Variants in KAZN observed in about 807,000 individuals in gnomAD.
The protein encoded by KAZN is kazrin.
Under a neutral mutation model 87.4 loss-of-function variants are expected in KAZN, and 40 were observed. That is an observed-to-expected ratio of 0.46 (90% CI 0.36 to 0.60). The LOEUF (loss-of-function observed/expected upper bound fraction) is 0.60. Among genes scored for constraint, KAZN ranks in the 20% least tolerant of loss-of-function variants. KAZN has a pLI of 0.00. For synonymous variants in KAZN, 466 were observed against 458.3 expected, an observed-to-expected ratio of 1.02 and a Z score of -0.22; for missense variants, 898 against 1,073.9, an observed-to-expected ratio of 0.84 and a Z score of 2.29.
At chr1:14,561,522 G>A (rs1674251202) in intron 2 of KAZN, among the ~76,000 whole-genome samples, 1 of 152,190 alleles carries the variant, frequency 6.6e-6, no homozygotes. Flanking sequence ...CAGAAATGCA[G>A]ATCAGTGGCT....
At chr1:14,054,226 C>G (rs1266160505) in intron 1 of KAZN, among the ~76,000 whole-genome samples, 1 of 152,074 alleles carries the variant, frequency 6.6e-6, no homozygotes, top group Non-Finnish European at 1.5e-5. Flanking sequence ...CTAAGGTCAA[C>G]TGTATAATCC....
intron 1 of KAZN, among the ~76,000 whole-genome samples, chr1:14,099,926 C>G (rs748990390): frequency 6.6e-6 from 1 of 152,130 alleles, no homozygotes; most frequent in Non-Finnish European, 1.5e-5. Flanking sequence ...CCCTTCTTAC[C>G]TTTCTCCTTC....
At chr1:14,433,785 G>C (rs1004406200) in intron 2 of KAZN, among the ~76,000 whole-genome samples, 1 of 152,216 alleles carries the variant, frequency 6.6e-6, no homozygotes, top group East Asian at 1.9e-4. Flanking sequence ...GCTTGAACCC[G>C]GGAGGCGGAG....
chr1:13,947,337 C>A (rs1641182760), intron 1 of KAZN, among the ~76,000 whole-genome samples: 1 of 152,096 alleles, frequency 6.6e-6, no homozygotes, highest in South Asian at 2.1e-4. Context: ...TAGCAAGAGG[C>A]AAAATCGTGA....
intron 2 of KAZN, among the ~76,000 whole-genome samples, chr1:14,546,384 A>G (rs1673146254): frequency 6.6e-6 from 1 of 152,218 alleles, no homozygotes; most frequent in Non-Finnish European, 1.5e-5. Context: ...AGTACTTAAG[A>G]AAAATAACCC....
intron 2 of KAZN, among the ~76,000 whole-genome samples, chr1:14,384,519 G>A (rs934536908): frequency 2.6e-5 from 4 of 152,096 alleles, no homozygotes; most frequent in African/African-American, 9.7e-5. Flanking sequence ...AGAGTTTTTA[G>A]CATGAAAGGT....
chr1:14,862,012 T>C (rs1379381627), intron 1 of KAZN, among the ~76,000 whole-genome samples: 1 of 152,182 alleles, frequency 6.6e-6, no homozygotes, highest in Non-Finnish European at 1.5e-5. Context: ...GGTGAGCCCA[T>C]AATTTTATTT....
intron 1 of KAZN, among the ~76,000 whole-genome samples, chr1:14,006,229 A>G (rs1008403028): frequency 1.3e-5 from 2 of 152,136 alleles, no homozygotes; most frequent in African/African-American, 4.8e-5. Flanking sequence ...TTGCATTGCT[A>G]TAAAGGAATA....
chr1:15,090,129 C>G (rs993388808), intron 8 of KAZN, among the ~76,000 whole-genome samples: 2 of 152,192 alleles, frequency 1.3e-5, no homozygotes, highest in Non-Finnish European at 2.9e-5. Flanking sequence ...CTCATTATTC[C>G]CATTTTATAT....
intron 1 of KAZN, among the ~76,000 whole-genome samples, chr1:14,125,749 A>G (rs1644850325): frequency 6.6e-6 from 1 of 152,138 alleles, no homozygotes; most frequent in Non-Finnish European, 1.5e-5. Context: ...AAATGAATGC[A>G]GTGGAAAAAA....
chr1:14,644,259 G>T (rs1169748356), intron 1 of KAZN, among the ~76,000 whole-genome samples: 33 of 151,282 alleles, frequency 2.2e-4, no homozygotes, highest in African/African-American at 8.0e-4. Flanking sequence ...TGATCCACCT[G>T]CCTCAGCCTC....
At chr1:13,981,097 A>ATATATATATATATATATATATATATGTG (rs372269866) in intron 1 of KAZN, among the ~76,000 whole-genome samples, 1 of 96,940 alleles carries the variant, frequency 1.0e-5, no homozygotes, top group African/African-American at 4.2e-5. Context: ...CTTTATATAT[A>ATATATATATATATATATATATATATGTG]TATATATATA....
intron 2 of KAZN, among the ~76,000 whole-genome samples, chr1:14,269,029 A>G (rs1032322966): frequency 1.3e-5 from 2 of 152,242 alleles, no homozygotes; most frequent in African/African-American, 4.8e-5. Flanking sequence ...AACTCTGCCC[A>G]TTATAAAATA....
Position 14,956,198 on chromosome 1 carries a change from GT to G in KAZN, c.227-4483del, listed in dbSNP as rs549273261. Among the ~76,000 whole-genome samples, 9 of 150,340 alleles carry G rather than the reference GT, an allele frequency of 6.0e-5. No individual in the cohort carries two copies. The East Asian group carries it at 1.6e-3, about 27-fold the overall frequency. ...AAGACAAGGCCCCGGCCAGGCCTGG[GT>G]TTGAAGCCAAGTCTCTTGGAATCCT... On this transcript the variant is annotated intron_variant, in intron 1 of 14. Coordinates refer to ENST00000376030, the MANE Select transcript of KAZN (RefSeq NM_201628.3).
intron 2 of KAZN, among the ~76,000 whole-genome samples, chr1:14,433,028 A>ACG (rs1666168515): frequency 6.6e-6 from 1 of 152,158 alleles, no homozygotes; most frequent in Non-Finnish European, 1.5e-5. Context: ...ACACACACAC[A>ACG]AATTATTCAG....
At chr1:14,922,764 G>C (rs1467949395) in intron 1 of KAZN, among the ~76,000 whole-genome samples, 2 of 146,510 alleles carry the variant, frequency 1.4e-5, no homozygotes, top group African/African-American at 2.6e-5. Flanking sequence ...CGCACTCCAG[G>C]CTGGGTGACA....
intron 1 of KAZN, among the ~76,000 whole-genome samples, chr1:14,141,236 TA>T (rs59679402): frequency 0.017 from 675 of 39,220 alleles, 4 homozygotes; most frequent in African/African-American, 0.078. Context: ...GATTACCATT[TA>T]AAAAAAAAAA....
In KAZN at chr1:15,116,433, G is replaced by A. The variant is rs901018101; in HGVS notation, c.*1798G>A. The A allele has an allele frequency of 3.9e-5, 6 of 152,228 alleles. No individual in the cohort carries two copies. The highest frequency in any genetic ancestry group is 7.3e-5 in the Non-Finnish European group (5 of 68,040). The allele number at this position is 152,228 out of a possible 1,614,324, so 9.4% of individuals were successfully genotyped here. On this transcript the variant is annotated 3_prime_UTR_variant, in exon 15 of 15. Transcript: ENST00000376030. ...GACCAAATGTCTAGTTGGTAGACAGGTGGATGTTTGGCCTCCTAAGGGCAC... is the reference window on the plus strand; with the variant it reads ...GACCAAATGTCTAGTTGGTAGACAGATGGATGTTTGGCCTCCTAAGGGCAC...
chr1:14,606,696 A>C (rs144506685), intron 1 of KAZN, among the ~76,000 whole-genome samples: 1 of 152,112 alleles, frequency 6.6e-6, no homozygotes, highest in African/African-American at 2.4e-5. Flanking sequence ...AACCTCAAAC[A>C]GATACCTTCA....
Sources: allele counts gnomAD v4.1 joint callset (sites outside exome capture counted in the v4.1 genomes callset), GRCh38; gene constraint gnomAD v4.1.1; transcripts MANE v1.5; gene names NCBI Gene and HGNC (gene_info 2026-07-23, HGNC 2026-07-21).